The following LDB2 variants were observed in gnomAD, a reference collection of about 807,000 sequenced individuals.
The protein encoded by LDB2 is LIM domain binding 2.
LDB2 carries 12 observed loss-of-function variants against 44.3 expected under a neutral mutation model. The observed-to-expected ratio is 0.27, with a 90% CI of 0.17 to 0.44. The LOEUF is 0.44. Ranked by LOEUF, LDB2 falls within the 20% of genes least tolerant of loss-of-function variation. The probability of loss-of-function intolerance (pLI) is 1.00; values close to 1 mark genes in which losing one functional copy is unlikely to be tolerated. For missense variants in LDB2, 344 were observed against 473.5 expected, an observed-to-expected ratio of 0.73 and a Z score of 2.54; for synonymous variants, 164 against 174.8, an observed-to-expected ratio of 0.94 and a Z score of 0.49.
At chr4:16,506,084 T>C in intron 7 of LDB2, 7 of 1,270,432 alleles carry the variant, frequency 5.5e-6, no homozygotes, top group Non-Finnish European at 3.2e-6. Context: ...GCTGTGGTCA[T>C]AGTGGCACAT....
At chr4:16,640,883 T>C (rs138997354) in intron 2 of LDB2, among the ~76,000 whole-genome samples, 185 of 152,340 alleles carry the variant, frequency 1.2e-3, no homozygotes, top group African/African-American at 4.3e-3. Flanking sequence ...TTAGGAAATA[T>C]TGTCATTTTT....
chr4:16,505,594 GGT>G (rs1719080817), intron 7 of LDB2, among the ~76,000 whole-genome samples: 1 of 152,022 alleles, frequency 6.6e-6, no homozygotes. Context: ...TCTGATTAGG[GGT>G]TGTTAGCAAC....
At chr4:16,880,144 A>AT (rs139343868) in intron 1 of LDB2, among the ~76,000 whole-genome samples, 4,717 of 152,212 alleles carry the variant, frequency 0.031, 234 homozygotes, top group African/African-American at 0.11. Context: ...TGGCCTAAAC[A>AT]TTCTTCTTTA....
intron 1 of LDB2, among the ~76,000 whole-genome samples, chr4:16,769,485 C>T (rs866256167): frequency 5.3e-5 from 8 of 151,848 alleles, no homozygotes; most frequent in South Asian, 2.1e-4. Context: ...TTAGTAGAAA[C>T]GGGTTTCACC....
chr4:16,621,220 T>C (rs528499969), intron 2 of LDB2, among the ~76,000 whole-genome samples: 1 of 152,344 alleles, frequency 6.6e-6, no homozygotes, highest in South Asian at 2.1e-4. Flanking sequence ...AAAAGCCAAC[T>C]GCCCAGTTTC....
chr4:16,560,546 A>G (rs1470585008), intron 5 of LDB2, among the ~76,000 whole-genome samples: 1 of 152,204 alleles, frequency 6.6e-6, no homozygotes, highest in Non-Finnish European at 1.5e-5. Flanking sequence ...ATAGACCAAT[A>G]ACAGTCTCTG....
intron 1 of LDB2, among the ~76,000 whole-genome samples, chr4:16,812,582 T>TTATATATATATATATATATATA (rs6148319): frequency 2.8e-4 from 32 of 115,550 alleles, no homozygotes; most frequent in African/African-American, 7.0e-4. Flanking sequence ...ATCAATGAAA[T>TTATATATATATATATATATATA]TATATATATA....
rs149994778 is a variant in LDB2, at chr4:16,509,949, T to C, written c.740-1263A>G. On this transcript the variant is annotated intron_variant, in intron 6 of 7. Coordinates refer to ENST00000304523, the MANE Select transcript of LDB2 (RefSeq NM_001290.5). Reference sequence around the variant, plus strand: ...TGGGCAACATGGTGAACCCCATCTGTACAAAATATACACAGATTAGCCAGG... The same window carrying C: ...TGGGCAACATGGTGAACCCCATCTGCACAAAATATACACAGATTAGCCAGG... Among the ~76,000 whole-genome samples the C allele has an allele frequency of 6.0e-4, 92 of 152,156 alleles. 1 individual carries two copies. The East Asian group carries it at 0.015, about 25-fold the overall frequency.
At chr4:16,739,124 C>T (rs538156133) in intron 2 of LDB2, among the ~76,000 whole-genome samples, 3 of 152,100 alleles carry the variant, frequency 2.0e-5, no homozygotes, top group African/African-American at 7.2e-5. Flanking sequence ...TCTAAGGCGC[C>T]CCCCAAATCA....
At chr4:16,681,411 C>A (rs1251506715) in intron 2 of LDB2, among the ~76,000 whole-genome samples, 2 of 152,098 alleles carry the variant, frequency 1.3e-5, no homozygotes, top group East Asian at 3.9e-4. Flanking sequence ...AAGAGCCCAA[C>A]CCAGCTGAAA....
In LDB2 at chr4:16,694,468, A is replaced by G. The variant is rs147085890; in HGVS notation, c.235+64690T>C. ...TTAAATGGAAGTATCATTGTAGTTC[A>G]TGTTTATTTTAATGGAGGATGTTTC... is the stretch of plus-strand genomic sequence containing the variant. On this transcript the variant is annotated intron_variant, in intron 2 of 7. Coordinates refer to ENST00000304523, the MANE Select transcript of LDB2 (RefSeq NM_001290.5). Among the ~76,000 whole-genome samples, 330 of 152,324 alleles carry G rather than the reference A, an allele frequency of 2.2e-3. 1 individual carries two copies. Among genetic ancestry groups the G allele is most frequent in the Non-Finnish European group, 3.9e-3 (266 of 68,030 alleles).
intron 1 of LDB2, among the ~76,000 whole-genome samples, chr4:16,827,894 C>T (rs1156593366): frequency 2.0e-5 from 3 of 152,138 alleles, no homozygotes; most frequent in African/African-American, 7.2e-5. Context: ...GATTTCGTAT[C>T]CTCTTATCTC....
At chr4:16,830,937 C>G (rs942413948) in intron 1 of LDB2, among the ~76,000 whole-genome samples, 16 of 152,146 alleles carry the variant, frequency 1.1e-4, no homozygotes, top group Non-Finnish European at 1.9e-4. Context: ...AGAGAGAGAA[C>G]CTAGAAGACA....
intron 2 of LDB2, among the ~76,000 whole-genome samples, chr4:16,754,901 A>T (rs1766208241): frequency 1.3e-5 from 2 of 152,312 alleles, no homozygotes; most frequent in South Asian, 4.1e-4. Flanking sequence ...CAAAGCATGG[A>T]TTAAAGCCCA....
intron 6 of LDB2, among the ~76,000 whole-genome samples, chr4:16,509,261 G>C (rs958120013): frequency 6.6e-6 from 1 of 152,204 alleles, no homozygotes; most frequent in Non-Finnish European, 1.5e-5. Flanking sequence ...TGGATGTGGA[G>C]CTTAGGGATT....
chr4:16,734,614 C>T (rs1023104984), intron 2 of LDB2, among the ~76,000 whole-genome samples: 4 of 152,152 alleles, frequency 2.6e-5, no homozygotes, highest in Admixed American at 6.5e-5. Context: ...CCTTCCTCTG[C>T]CCCAGCCCCC....
At chr4:16,610,663 A>G (rs1003145332) in intron 2 of LDB2, among the ~76,000 whole-genome samples, 7 of 145,934 alleles carry the variant, frequency 4.8e-5, no homozygotes, top group Admixed American at 4.0e-4. Flanking sequence ...AGAATAGCGA[A>G]AAAAAAAAAA....
intron 1 of LDB2, among the ~76,000 whole-genome samples, chr4:16,896,344 AAGG>A (rs1200117703): frequency 1.3e-5 from 2 of 152,190 alleles, no homozygotes; most frequent in Non-Finnish European, 1.5e-5. Context: ...CATACTGCGA[AAGG>A]AGGTCTTTTC....
chr4:16,526,474 A>G (rs551622499), intron 5 of LDB2, among the ~76,000 whole-genome samples: 1 of 152,312 alleles, frequency 6.6e-6, no homozygotes, highest in South Asian at 2.1e-4. Context: ...GATTGCAGAT[A>G]TCTACTGCAG....
Sources: allele counts gnomAD v4.1 joint callset (sites outside exome capture counted in the v4.1 genomes callset), GRCh38; gene constraint gnomAD v4.1.1; transcripts MANE v1.5; gene names NCBI Gene and HGNC (gene_info 2026-07-23, HGNC 2026-07-21).